PPFIBP1: variants seen among roughly 807,000 people sequenced by gnomAD.
PPFIBP1 encodes the protein PPFIB scaffold protein 1, also known as liprin-beta-1.
PPFIBP1 carries 112 observed loss-of-function variants against 137.8 expected under a neutral mutation model. That is an observed-to-expected ratio of 0.81 (90% confidence interval 0.70 to 0.95). PPFIBP1 has a LOEUF of 0.95. Ranked by LOEUF, PPFIBP1 falls within the 40% of genes least tolerant of loss-of-function variation. PPFIBP1 has a pLI of 0.00. For synonymous variants in PPFIBP1, 378 were observed against 417.3 expected, an observed-to-expected ratio of 0.91 and a Z score of 1.15; for missense variants, 1,083 against 1,196.6, an observed-to-expected ratio of 0.91 and a Z score of 1.40.
At chr12:27,609,168 A>G (rs1335088708) in intron 2 of PPFIBP1, 7 of 152,916 alleles carry the variant, frequency 4.6e-5, no homozygotes, top group African/African-American at 1.7e-4. Flanking sequence ...TATATTCAGC[A>G]TGTAGCCAAG....
At chr12:27,601,128 C>A (rs1197667428) in intron 2 of PPFIBP1, among the ~76,000 whole-genome samples, 1 of 152,110 alleles carries the variant, frequency 6.6e-6, no homozygotes, top group African/African-American at 2.4e-5. Flanking sequence ...CCTCTTTACT[C>A]CCCAAAATGG....
chr12:27,686,568 T>A (rs2052675), intron 24 of PPFIBP1, among the ~76,000 whole-genome samples: 1 of 152,080 alleles, frequency 6.6e-6, no homozygotes, highest in Non-Finnish European at 1.5e-5. Context: ...ATTATAGTTG[T>A]GCCAAAATTG....
chr12:27,567,711 G>A (rs973826578), intron 1 of PPFIBP1, among the ~76,000 whole-genome samples: 1 of 151,956 alleles, frequency 6.6e-6, no homozygotes, highest in Non-Finnish European at 1.5e-5. Flanking sequence ...AAATAAACTG[G>A]TAAATCCAAC....
In PPFIBP1 at chr12:27,658,733, G is replaced by C. The variant is rs576230759; in HGVS notation, c.812-83G>C. 6 of 1,410,780 alleles carry C rather than the reference G, an allele frequency of 4.3e-6. No individual in the cohort carries two copies. In the African/African-American group the frequency reaches 8.7e-5, roughly 20 times the overall value. The allele number at this position is 1,410,780 out of a possible 1,614,324, so 87.4% of individuals were successfully genotyped here. A position where few individuals can be genotyped will look rare whatever the true frequency, so the allele number is the denominator to read the frequency against. ...AGATTTCCGTTATTTTAGGTAAAAA[G>C]AGACTAAATAGTAGTGATTTAAAAA... is the stretch of plus-strand genomic sequence containing the variant. On this transcript the variant is annotated intron_variant, in intron 9 of 29. Transcript: ENST00000228425.
intron 3 of PPFIBP1, among the ~76,000 whole-genome samples, chr12:27,633,675 TA>T (rs1396001071): frequency 6.6e-6 from 1 of 152,192 alleles, no homozygotes; most frequent in African/African-American, 2.4e-5. Flanking sequence ...AGTTCCATCC[TA>T]GGTTTCTAAT....
chr12:27,587,450 G>A (rs1418389729), intron 2 of PPFIBP1, among the ~76,000 whole-genome samples: 4 of 151,532 alleles, frequency 2.6e-5, no homozygotes, highest in African/African-American at 7.3e-5. Flanking sequence ...GTGAAACCCC[G>A]TCTCTACTAA....
chr12:27,606,846 C>T (rs2054577524), intron 2 of PPFIBP1, among the ~76,000 whole-genome samples: 1 of 152,168 alleles, frequency 6.6e-6, no homozygotes, highest in South Asian at 2.1e-4. Flanking sequence ...GTTATTTCAC[C>T]TTAGCTTAGA....
In PPFIBP1 at chr12:27,642,784, A is replaced by G. The variant is rs943705397; in HGVS notation, c.271-3278A>G. On this transcript the variant is annotated intron_variant, in intron 4 of 29. Coordinates refer to ENST00000228425, the MANE Select transcript of PPFIBP1 (RefSeq NM_003622.4). ...AATGGAAGAAAGCTCATTAAAAGGAAGAAATGGAAAATGATAAGTAGAAGT... is the reference window on the plus strand; with the variant it reads ...AATGGAAGAAAGCTCATTAAAAGGAGGAAATGGAAAATGATAAGTAGAAGT... Among the ~76,000 whole-genome samples, 4 of 152,112 alleles carry G rather than the reference A, an allele frequency of 2.6e-5. No homozygotes were observed. The South Asian group carries it at 6.2e-4, about 24-fold the overall frequency.
chr12:27,546,233 C>T (rs1202034599), intron 1 of PPFIBP1, among the ~76,000 whole-genome samples: 1 of 152,146 alleles, frequency 6.6e-6, no homozygotes, highest in African/African-American at 2.4e-5. Context: ...GAATCTGGCA[C>T]TCTGATCCCT....
At chr12:27,582,781 CT>C (rs1206549987) in intron 2 of PPFIBP1, among the ~76,000 whole-genome samples, 1 of 152,198 alleles carries the variant, frequency 6.6e-6, no homozygotes. Flanking sequence ...ATTATAGCAG[CT>C]TTCCGATTGA....
rs951270183 is a variant in PPFIBP1 at position 27,551,465 on chromosome 12, A to G, written c.-123-26687A>G. On this transcript the variant is annotated intron_variant, in intron 1 of 29. Transcript: ENST00000228425. ...ATCCTTTCCACTTCCCAAGAGCAAC[A>G]GAGGAGGTTTAAAAGGAACATTGTA... 2.6e-5 allele frequency among the ~76,000 whole-genome samples: 4 copies of G among 152,238 alleles called. No homozygotes were observed. The East Asian group carries it at 5.8e-4, about 22-fold the overall frequency.
rs530295790 is a variant in PPFIBP1, at chr12:27,690,463, A to C, written c.2685+1260A>C. On this transcript the variant is annotated intron_variant, in intron 27 of 29. Coordinates refer to ENST00000228425, the MANE Select transcript of PPFIBP1 (RefSeq NM_003622.4). Reference sequence around the variant, plus strand: ...TTTGGGTGTTCCCTCTTAGGTGGGCATGGTGGCTCATGCCTGTAGTCCCAG... The same window carrying C: ...TTTGGGTGTTCCCTCTTAGGTGGGCCTGGTGGCTCATGCCTGTAGTCCCAG... Among the ~76,000 whole-genome samples, 3 of 152,338 alleles carry C rather than the reference A, an allele frequency of 2.0e-5. No individual in the cohort carries two copies. In the South Asian group the frequency reaches 6.2e-4, roughly 32 times the overall value.
At chr12:27,617,595 A>G (rs971045150) in intron 2 of PPFIBP1, among the ~76,000 whole-genome samples, 1 of 152,252 alleles carries the variant, frequency 6.6e-6, no homozygotes, top group African/African-American at 2.4e-5. Flanking sequence ...GTATTTGCCT[A>G]TAACCTTCAC....
In PPFIBP1 at chr12:27,692,808, G is replaced by C. The variant is rs1207013352; in HGVS notation, c.2944G>C (p.Glu982Gln). Reference sequence around the variant, plus strand: ...CCTTGTTTTCCAGCACATGTTAAAAGAAGATGACATGTTTAAAGATTTTGC... The same window carrying C: ...CCTTGTTTTCCAGCACATGTTAAAACAAGATGACATGTTTAAAGATTTTGC... ...GINNLTHMLK[E>Q]DDMFKDFAAR... Residue 982 changes from glutamate to glutamine, a missense_variant, in exon 30 of 30, where the codon GAA becomes CAA. Transcript: ENST00000228425. The C allele has an allele frequency of 3.7e-6, 6 of 1,614,120 alleles. No individual in the cohort carries two copies. The South Asian group carries it at 5.5e-5, about 15-fold the overall frequency.
intron 12 of PPFIBP1, among the ~76,000 whole-genome samples, chr12:27,665,453 G>A (rs1235200874): frequency 6.6e-6 from 1 of 152,148 alleles, no homozygotes; most frequent in Non-Finnish European, 1.5e-5. Context: ...CTGATATGGG[G>A]AAGCCTAGAG....
intron 2 of PPFIBP1, chr12:27,592,481 G>T: frequency 9.0e-7 from 1 of 1,109,714 alleles, no homozygotes; most frequent in Non-Finnish European, 1.3e-6. Context: ...CCTAATTCAA[G>T]GGTTTCTTGA....
chr12:27,592,415 C>T lies in PPFIBP1; in HGVS notation c.-36+14176C>T, dbSNP rs1420337971. 15 of 696,130 alleles carry T rather than the reference C, an allele frequency of 2.2e-5. 1 individual carries two copies. The highest frequency in any genetic ancestry group is 1.5e-4 in the South Asian group (7 of 46,648). The allele number at this position is 696,130 out of a possible 1,614,324, so 43.1% of individuals were successfully genotyped here. A position where few individuals can be genotyped will look rare whatever the true frequency, so the allele number is the denominator to read the frequency against. ...TTGGGGATTATCAGTGGAATCCTAT[C>T]TTATGGATTATTTTCAACTTTCCAA... On this transcript the variant is annotated intron_variant, in intron 2 of 29. Coordinates refer to ENST00000228425, the MANE Select transcript of PPFIBP1 (RefSeq NM_003622.4).
intron 2 of PPFIBP1, among the ~76,000 whole-genome samples, chr12:27,600,295 G>T (rs2053822457): frequency 6.6e-6 from 1 of 152,018 alleles, no homozygotes; most frequent in South Asian, 2.1e-4. Context: ...AATTAGCCGG[G>T]TATGGTGGTA....
chr12:27,567,367 T>G (rs1239216151), intron 1 of PPFIBP1, among the ~76,000 whole-genome samples: 1 of 152,166 alleles, frequency 6.6e-6, no homozygotes, highest in Non-Finnish European at 1.5e-5. Context: ...ATAAAATAAT[T>G]GGGAATGTGA....
Sources: gnomAD v4.1 joint callset for allele counts (sites outside exome capture counted in the v4.1 genomes callset) on GRCh38, gnomAD v4.1.1 for gene constraint, MANE v1.5 for transcripts, NCBI Gene and HGNC (gene_info 2026-07-23, HGNC 2026-07-21) for gene names.